The following RGS6 variants were observed in gnomAD, a reference collection of about 807,000 sequenced individuals.
RGS6 encodes the protein regulator of G protein signaling 6, also known as regulator of G-protein signaling 6.
RGS6 carries 30 observed loss-of-function variants against 78.5 expected under a neutral mutation model. The ratio of observed to expected loss-of-function variants is 0.38; its 90% CI spans 0.29 to 0.52. RGS6 has a LOEUF of 0.52. Ranked by LOEUF, RGS6 falls within the 20% of genes least tolerant of loss-of-function variation. The probability of loss-of-function intolerance (pLI) is 0.85; values close to 1 mark genes in which losing one functional copy is unlikely to be tolerated. For missense variants in RGS6, 495 were observed against 609.7 expected, an observed-to-expected ratio of 0.81 and a Z score of 1.98; for synonymous variants, 206 against 206.0, an observed-to-expected ratio of 1.00 and a Z score of 0.00.
chr14:72,450,503 T>C (rs4903022), intron 3 of RGS6, among the ~76,000 whole-genome samples: 91,071 of 152,040 alleles, frequency 0.6, 28,678 homozygotes, highest in East Asian at 0.82. Context: ...ATCCCTGGAA[T>C]ATATATTGAT....
At chr14:71,917,785 C>A in the RGS6 span, among the ~76,000 whole-genome samples, 1 of 152,120 alleles carries the variant, frequency 6.6e-6, no homozygotes, top group Admixed American at 6.6e-5. Flanking sequence ...TAATGATTCT[C>A]CCTGGGCCTA....
intron 2 of RGS6, among the ~76,000 whole-genome samples, chr14:72,051,212 C>A (rs879302611): frequency 2.6e-5 from 4 of 151,944 alleles, no homozygotes; most frequent in Non-Finnish European, 5.9e-5. Flanking sequence ...AGCACTTGAA[C>A]AAAATGGTAC....
Position 72,293,753 on chromosome 14 carries a change from C to T in RGS6, c.85-58342C>T, listed in dbSNP as rs566317843. Among the ~76,000 whole-genome samples the T allele has an allele frequency of 6.6e-5, 10 of 152,306 alleles. No homozygotes were observed. In the East Asian group the frequency reaches 1.9e-3, roughly 29 times the overall value. ...GTATGGACCTGAAGAAAATGAATAT[C>T]AGACATGGGCTAAGCCAAGGCCAGT... On this transcript the variant is annotated intron_variant, in intron 2 of 17. Coordinates refer to ENST00000553525, the MANE Select transcript of RGS6 (RefSeq NM_001204424.2).
the RGS6 span, among the ~76,000 whole-genome samples, chr14:71,876,838 GC>G: frequency 6.6e-6 from 1 of 151,954 alleles, no homozygotes; most frequent in Non-Finnish European, 1.5e-5. Flanking sequence ...CATTTTTAGT[GC>G]TTCCTTCAGG....
chr14:72,555,481 A>AACTT (rs546458526), intron 17 of RGS6, among the ~76,000 whole-genome samples: 10 of 152,164 alleles, frequency 6.6e-5, no homozygotes, highest in African/African-American at 2.2e-4. Context: ...CATGCTCAAG[A>AACTT]ACTTAAGTTC....
At chr14:72,094,371 G>T (rs1567192090) in intron 2 of RGS6, among the ~76,000 whole-genome samples, 1 of 152,180 alleles carries the variant, frequency 6.6e-6, no homozygotes, top group Non-Finnish European at 1.5e-5. Flanking sequence ...TGTAAATGAG[G>T]TATAGCTCTT....
At chr14:72,464,060 C>A (rs539361510) in intron 6 of RGS6, among the ~76,000 whole-genome samples, 5 of 152,110 alleles carry the variant, frequency 3.3e-5, no homozygotes, top group Non-Finnish European at 4.4e-5. Context: ...TTAAATCAAC[C>A]GCACTCAAAA....
the RGS6 span, among the ~76,000 whole-genome samples, chr14:72,606,484 C>T: frequency 1.8e-4 from 27 of 152,136 alleles, no homozygotes; most frequent in Non-Finnish European, 2.9e-4. Flanking sequence ...CCACTACTGC[C>T]GGGTGTTGAG....
intron 2 of RGS6, among the ~76,000 whole-genome samples, chr14:72,313,820 G>C (rs2069296452): frequency 6.6e-6 from 1 of 152,176 alleles, no homozygotes; most frequent in Non-Finnish European, 1.5e-5. Context: ...GAAGGTATTA[G>C]AAGATAAAAG....
chr14:72,327,626 T>G (rs2074099111), intron 2 of RGS6, among the ~76,000 whole-genome samples: 1 of 152,222 alleles, frequency 6.6e-6, no homozygotes, highest in Non-Finnish European at 1.5e-5. Flanking sequence ...GAGCCAAGTC[T>G]AGATATTCAC....
intron 3 of RGS6, among the ~76,000 whole-genome samples, chr14:72,447,434 A>G (rs2095393124): frequency 6.6e-6 from 1 of 152,262 alleles, no homozygotes; most frequent in Non-Finnish European, 1.5e-5. Context: ...CTATCGGAAG[A>G]TCCCAGTCTA....
chr14:72,497,746 G>GT (rs2096663873), intron 13 of RGS6, among the ~76,000 whole-genome samples: 1 of 151,974 alleles, frequency 6.6e-6, no homozygotes, highest in Non-Finnish European at 1.5e-5. Flanking sequence ...TATATAGTAC[G>GT]TATCTTCTTT....
chr14:72,238,476 C>T (rs1228303452), intron 2 of RGS6, among the ~76,000 whole-genome samples: 1 of 152,126 alleles, frequency 6.6e-6, no homozygotes, highest in Non-Finnish European at 1.5e-5. Flanking sequence ...ATCCTCCCTT[C>T]CCCCCAAGCA....
chr14:72,597,571 T>G, the RGS6 span, among the ~76,000 whole-genome samples: 1 of 152,238 alleles, frequency 6.6e-6, no homozygotes, highest in African/African-American at 2.4e-5. Context: ...CCATGTAATT[T>G]GGAATCAGGC....
chr14:71,995,066 GTTCT>G (rs2095138107), intron 2 of RGS6, among the ~76,000 whole-genome samples: 1 of 152,138 alleles, frequency 6.6e-6, no homozygotes, highest in Admixed American at 6.5e-5. Flanking sequence ...GTACTCCTGA[GTTCT>G]CACAGCCTTC....
At chr14:72,474,314 T>A (rs1207489746) in intron 9 of RGS6, among the ~76,000 whole-genome samples, 1 of 152,190 alleles carries the variant, frequency 6.6e-6, no homozygotes, top group Admixed American at 6.5e-5. Context: ...GGAGTCTTTT[T>A]CAAACGGTTA....
intron 2 of RGS6, among the ~76,000 whole-genome samples, chr14:72,074,908 C>T (rs536072316): frequency 3.8e-4 from 58 of 152,216 alleles, no homozygotes; most frequent in Non-Finnish European, 6.8e-4. Context: ...TGTCAATATC[C>T]CTGACTCCAG....
the RGS6 span, among the ~76,000 whole-genome samples, chr14:71,920,835 A>G: frequency 6.6e-6 from 1 of 152,254 alleles, no homozygotes; most frequent in Non-Finnish European, 1.5e-5. Flanking sequence ...AGCACAGGCA[A>G]CGAAAGCAAA....
the RGS6 span, among the ~76,000 whole-genome samples, chr14:71,872,023 G>C: frequency 6.6e-6 from 1 of 152,144 alleles, no homozygotes; most frequent in East Asian, 1.9e-4. Context: ...GGTGAGGAAG[G>C]AGCCAGGTAG....
Sources: allele counts gnomAD v4.1 joint callset (sites outside exome capture counted in the v4.1 genomes callset), GRCh38; gene constraint gnomAD v4.1.1; transcripts MANE v1.5; gene names NCBI Gene and HGNC (gene_info 2026-07-23, HGNC 2026-07-21).